Variants in LAMA5 observed in about 807,000 individuals in gnomAD.
LAMA5 encodes laminin subunit alpha-5.
LAMA5 carries 260 observed loss-of-function variants against 433.4 expected under a neutral mutation model. The ratio of observed to expected loss-of-function variants is 0.60; its 90% CI spans 0.54 to 0.66. The LOEUF (loss-of-function observed/expected upper bound fraction) is 0.66, where lower values mean the gene tolerates loss of function less well. Among genes scored for constraint, LAMA5 ranks in the 30% least tolerant of loss-of-function variants. The probability of loss-of-function intolerance (pLI) is 0.00; values close to 1 mark genes in which losing one functional copy is unlikely to be tolerated. For synonymous variants in LAMA5, 2,620 were observed against 2,226.6 expected (o/e 1.18, Z -4.97); for missense variants, 5,378 against 5,258.5 (o/e 1.02, Z -0.70).
chr20:62,358,178 C>CA (rs141044878), intron 2 of LAMA5, among the ~76,000 whole-genome samples: 9,637 of 152,196 alleles, frequency 0.063, 344 homozygotes, highest in South Asian at 0.16. Flanking sequence ...GCAAGCATGG[C>CA]GCGGGGGTGC....
rs1427157035 is a variant in LAMA5 at position 62,319,808 on chromosome 20, A to G, written c.6760-13T>C. 1.2e-5 allele frequency: 18 copies of G among 1,532,158 alleles called. No homozygotes were observed. Among genetic ancestry groups the G allele is most frequent in the Non-Finnish European group, 1.6e-5 (18 of 1,135,636 alleles). The allele number at this position is 1,532,158 out of a possible 1,614,324, so 94.9% of individuals were successfully genotyped here. On this transcript the variant is annotated splice_polypyrimidine_tract_variant and intron_variant, in intron 50 of 79. Transcript: ENST00000252999. ...GGGTCCCCACGGCCTGTGGAGGAAG[A>G]GCCCACTAGCCCACGCTGCTGGTAG...
In LAMA5 at chr20:62,352,371, T is replaced by C. The variant is rs755526701; in HGVS notation, c.569-11A>G. ...AGTCCCTCTTGGAGGCTGCGGGGAATGGCGGGAGGGGAGGGCGCTGGATCA... is the reference window on the plus strand; with the variant it reads ...AGTCCCTCTTGGAGGCTGCGGGGAACGGCGGGAGGGGAGGGCGCTGGATCA... On this transcript the variant is annotated splice_polypyrimidine_tract_variant and intron_variant, in intron 3 of 79. Transcript: ENST00000252999. The C allele has an allele frequency of 6.3e-7, 1 of 1,590,990 alleles. No individual in the cohort carries two copies. The highest frequency in any genetic ancestry group is 1.3e-5 in the African/African-American group (1 of 74,722).
chr20:62,311,268 A>AGGCAGGATGCCG lies in LAMA5; in HGVS notation c.9970_9981dup (p.Arg3324_Ala3327dup), dbSNP rs1374129585. ...GTCCTGAGGTGTGGGGGCAGCATGC[A>AGGCAGGATGCCG]GGCAGGATGCCGGGCGGGCTGACGG... On this transcript the variant is annotated inframe_insertion, in exon 73 of 80. Coordinates refer to ENST00000252999, the MANE Select transcript of LAMA5 (RefSeq NM_005560.6). 2.5e-6 allele frequency: 4 copies of AGGCAGGATGCCG among 1,603,100 alleles called. No individual in the cohort carries two copies. In the East Asian group the frequency reaches 8.9e-5, roughly 36 times the overall value.
intron 11 of LAMA5, among the ~76,000 whole-genome samples, chr20:62,341,399 C>G (rs919122167): frequency 3.3e-5 from 5 of 152,252 alleles, no homozygotes; most frequent in Admixed American, 6.5e-5. Context: ...TTCCCAGCCT[C>G]AGGACTACTG....
In LAMA5 at chr20:62,359,182, C is replaced by A. The variant is rs982854286; in HGVS notation, c.450+3218G>T. 6.6e-6 allele frequency among the ~76,000 whole-genome samples: 1 copy of A among 152,158 alleles called. No homozygotes were observed. The highest frequency in any genetic ancestry group is 1.5e-5 in the Non-Finnish European group (1 of 68,018). On this transcript the variant is annotated intron_variant, in intron 2 of 79. Coordinates refer to ENST00000252999, the MANE Select transcript of LAMA5 (RefSeq NM_005560.6). This position sits in a 1 kb window ranked among gnomAD's most constrained non-coding sequence, Gnocchi z 4.3. ...CCTCCCTACCGGAAGGGGGCCCGTGCGTCCTCACTCCTCATCTGAGGGAGG... is the reference window on the plus strand; with the variant it reads ...CCTCCCTACCGGAAGGGGGCCCGTGAGTCCTCACTCCTCATCTGAGGGAGG...
Position 62,333,070 on chromosome 20 carries a change from T to C in LAMA5, c.3282+20A>G, listed in dbSNP as rs1980791426. 2.0e-6 allele frequency: 3 copies of C among 1,483,462 alleles called. No individual in the cohort carries two copies. Among genetic ancestry groups the C allele is most frequent in the East Asian group, 4.7e-5 (2 of 42,328 alleles). 91.9% of individuals were successfully genotyped at this position (1,483,462 alleles called of 1,614,324 possible). A position where few individuals can be genotyped will look rare whatever the true frequency, so the allele number is the denominator to read the frequency against. ...AGGTCCTGCAACACCCATTGCTCCG[T>C]GGGGTCCCAGGACACGCACATCACT... is the stretch of plus-strand genomic sequence containing the variant. On this transcript the variant is annotated intron_variant, in intron 26 of 79. Coordinates refer to ENST00000252999, the MANE Select transcript of LAMA5 (RefSeq NM_005560.6).
At position 62,327,318 on chromosome 20, in the gene LAMA5, G is replaced by A. The variant is rs769021126; in HGVS notation, c.5027C>T (p.Ala1676Val). ...ERQPGTEMLR[A>V]DLRHVPEAVP... ...AGCCTCAGGCACGTGCCGCAGGTCTGCACGGAGCATCTCCGTCCCTGGCTG... is the reference window on the plus strand; with the variant it reads ...AGCCTCAGGCACGTGCCGCAGGTCTACACGGAGCATCTCCGTCCCTGGCTG... Residue 1676 changes from alanine (A) to valine (V), a missense_variant, in exon 38 of 80, where the codon GCA (alanine) becomes GTA (valine). Transcript: ENST00000252999. 2 of 1,600,232 alleles carry A rather than the reference G, an allele frequency of 1.2e-6. No individual in the cohort carries two copies. The highest frequency in any genetic ancestry group is 2.2e-5 in the South Asian group (2 of 89,308).
chr20:62,352,064 C>A lies in LAMA5; in HGVS notation c.703G>T (p.Val235Leu). The change falls in exon 5 of 80, where the codon GTG becomes TTG. Residue 235 changes from valine to leucine, a missense_variant. By Grantham distance (32) the Val-to-Leu change is conservative. Coordinates refer to ENST00000252999, the MANE Select transcript of LAMA5 (RefSeq NM_005560.6). Reference protein sequence around the residue: ...LENGEIVVSLVNGRPGAMNFS... With the variant: ...LENGEIVVSLLNGRPGAMNFS... Reference sequence around the variant, plus strand: ...TTCATGGCGCCCGGACGTCCGTTCACCAGGGACACCACGATCTGTGGGCAG... The same window carrying A: ...TTCATGGCGCCCGGACGTCCGTTCAACAGGGACACCACGATCTGTGGGCAG... 6.2e-7 allele frequency: 1 copy of A among 1,611,878 alleles called. No homozygotes were observed. The highest frequency in any genetic ancestry group is 8.5e-7 in the Non-Finnish European group (1 of 1,179,844).
chr20:62,339,214 A>G (rs1601377290), intron 11 of LAMA5, among the ~76,000 whole-genome samples: 2 of 149,776 alleles, frequency 1.3e-5, no homozygotes, highest in African/African-American at 4.9e-5. Flanking sequence ...AACAAGCTGC[A>G]AAACAAATTA....
Position 62,317,786 on chromosome 20 carries a change from C to A in LAMA5, c.7240-8G>T, listed in dbSNP as rs1344494028. Reference sequence around the variant, plus strand: ...CAGCTCCTGCTTCCTTTGCTGAAGGCAATGCAGGGGAGTTGGGGACAATGA... The same window carrying A: ...CAGCTCCTGCTTCCTTTGCTGAAGGAAATGCAGGGGAGTTGGGGACAATGA... On this transcript the variant is annotated splice_polypyrimidine_tract_variant and splice_region_variant and intron_variant, in intron 53 of 79. Transcript: ENST00000252999. 5.1e-6 allele frequency: 8 copies of A among 1,568,724 alleles called. No homozygotes were observed. Among genetic ancestry groups the A allele is most frequent in the Admixed American group, 1.8e-5 (1 of 56,308 alleles).
In LAMA5 at chr20:62,324,297, G is replaced by T; in HGVS notation, c.5644-93C>A. 1 of 1,513,104 alleles carries T rather than the reference G, an allele frequency of 6.6e-7. No homozygotes were observed. The highest frequency in any genetic ancestry group is 8.9e-7 in the Non-Finnish European group (1 of 1,119,674). The allele number at this position is 1,513,104 out of a possible 1,614,324, so 93.7% of individuals were successfully genotyped here. ...CCACCACCCCTGCCTCAGACTCTGT[G>T]CCCAAGGCCAGATGGTCCCCCACTG... On this transcript the variant is annotated intron_variant, in intron 42 of 79. Coordinates refer to ENST00000252999, the MANE Select transcript of LAMA5 (RefSeq NM_005560.6). The surrounding 1 kb of genome is among the most constrained non-coding windows in gnomAD (Gnocchi z 4.4).
intron 51 of LAMA5, among the ~76,000 whole-genome samples, chr20:62,319,459 G>A (rs75531490): frequency 1.3e-5 from 2 of 152,270 alleles, no homozygotes; most frequent in South Asian, 4.1e-4. Context: ...ATTTCCTGGG[G>A]AGGCTGTCGA....
chr20:62,316,634 G>A (rs1986961227), intron 57 of LAMA5, 37 bp downstream of exon 57: 1 of 1,458,556 alleles, frequency 6.9e-7, no homozygotes, highest in South Asian at 1.3e-5. Flanking sequence ...CAGATGCCCA[G>A]CAGGCCTAAG....
In LAMA5 at chr20:62,330,192, A is replaced by G. The variant is rs535484201; in HGVS notation, c.3980-276T>C. Among the ~76,000 whole-genome samples, 7 of 152,372 alleles carry G rather than the reference A, an allele frequency of 4.6e-5. No homozygotes were observed. In the South Asian group the frequency reaches 1.4e-3, roughly 32 times the overall value. ...GCCGAGCCAGGAACCAGACAAACAC[A>G]CAGGGCCACATGTGCTGCCAGCGGC... On this transcript the variant is annotated intron_variant, in intron 31 of 79. Coordinates refer to ENST00000252999, the MANE Select transcript of LAMA5 (RefSeq NM_005560.6).
At chr20:62,321,145 T>TGGGGCCAGTGAAGGGGC (rs1320505218) in intron 48 of LAMA5, among the ~76,000 whole-genome samples, 1 of 21,718 alleles carries the variant, frequency 4.6e-5, no homozygotes, top group Non-Finnish European at 8.7e-5. Context: ...GGGCCGGAGG[T>TGGGGCCAGTGAAGGGGC]GGGGCCAGTG....
Position 62,325,364 on chromosome 20 carries a change from A to G in LAMA5, c.5481T>C (p.Asn1827=). ...SPAGQGALAS[N]VELCLCPASY... is the part of the protein sequence containing the mutation. ...TGGCGGGGCACAGGCACAGCTCCAC[A>G]TTGCTGGCCAGGGCCCCCTGGCCTG... is the stretch of plus-strand genomic sequence containing the variant. Residue 1827 remains asparagine, a synonymous_variant, in exon 41 of 80, where the codon AAT becomes AAC. Coordinates refer to ENST00000252999, the MANE Select transcript of LAMA5 (RefSeq NM_005560.6). 1 of 1,607,664 alleles carries G rather than the reference A, an allele frequency of 6.2e-7. No individual in the cohort carries two copies. The highest frequency in any genetic ancestry group is 8.5e-7 in the Non-Finnish European group (1 of 1,176,448).
At chr20:62,365,330 C>T (rs1986598515) in intron 1 of LAMA5, among the ~76,000 whole-genome samples, 1 of 152,220 alleles carries the variant, frequency 6.6e-6, no homozygotes. Flanking sequence ...ACGCTGTGCC[C>T]ATTTTAAAGA....
chr20:62,337,299 GACACACAC>G (rs142384723), intron 16 of LAMA5, among the ~76,000 whole-genome samples: 1 of 152,008 alleles, frequency 6.6e-6, no homozygotes, highest in African/African-American at 2.4e-5. Context: ...ACACTTAGGT[GACACACAC>G]ACCCACACAA....
chr20:62,323,361 CA>C, intron 45 of LAMA5, 94 bp downstream of exon 45: 1 of 1,039,636 alleles, frequency 9.6e-7, no homozygotes, highest in Non-Finnish European at 1.4e-6. Context: ...GCCCCAGCAT[CA>C]GGCACACAGC....
Sources: allele counts gnomAD v4.1 joint callset (sites outside exome capture counted in the v4.1 genomes callset), GRCh38; gene constraint gnomAD v4.1.1; non-coding constraint Gnocchi (gnomAD v3.1); transcripts MANE v1.5; gene names NCBI Gene and HGNC (gene_info 2026-07-23, HGNC 2026-07-21).